Variants in SYNJ2 observed in about 807,000 individuals in gnomAD.
The protein encoded by SYNJ2 is polyphosphatidylinositol phosphatase SYNJ2.
In SYNJ2, 116 loss-of-function variants were observed where a neutral mutation model predicts 141.3. The observed-to-expected ratio is 0.82, with a 90% CI of 0.71 to 0.96. The LOEUF is 0.96. Among genes scored for constraint, SYNJ2 ranks in the 40% least tolerant of loss-of-function variants. SYNJ2 has a pLI of 0.00. For missense variants in SYNJ2, 1,873 were observed against 1,934.8 expected, an observed-to-expected ratio of 0.97 and a Z score of 0.60; for synonymous variants, 745 against 777.7, an observed-to-expected ratio of 0.96 and a Z score of 0.70.
chr6:158,008,775 C>A (rs572002081), intron 1 of SYNJ2, among the ~76,000 whole-genome samples: 1 of 152,340 alleles, frequency 6.6e-6, no homozygotes, highest in Admixed American at 6.5e-5. Context: ...TCCTCTCTTG[C>A]CCAGGTGGCG....
intron 25 of SYNJ2, among the ~76,000 whole-genome samples, chr6:158,091,457 T>C (rs1175852362): frequency 7.2e-6 from 1 of 139,372 alleles, no homozygotes; most frequent in Admixed American, 7.2e-5. Context: ...AAAAAAAGAA[T>C]GGGGCTGGGT....
At chr6:158,086,196 C>T (rs1783025024) in intron 22 of SYNJ2, among the ~76,000 whole-genome samples, 1 of 151,990 alleles carries the variant, frequency 6.6e-6, no homozygotes, top group Admixed American at 6.6e-5. Flanking sequence ...GTGGGGTGTC[C>T]GAGTCAAAGT....
chr6:158,048,047 C>G (rs1780354405), intron 5 of SYNJ2, among the ~76,000 whole-genome samples: 1 of 152,098 alleles, frequency 6.6e-6, no homozygotes, highest in Admixed American at 6.5e-5. Context: ...ATAGACTCAT[C>G]GTAAATCAGT....
Position 158,083,985 on chromosome 6 carries a change from C to A in SYNJ2, c.3035-16C>A. On this transcript the variant is annotated splice_polypyrimidine_tract_variant and intron_variant, in intron 21 of 26. Coordinates refer to ENST00000355585, the MANE Select transcript of SYNJ2 (RefSeq NM_003898.4). ...CATTGTTTTCACCCGAATTGTGATT[C>A]ATTTCCTTCTCCCAGGGGATATTCT... 1 of 1,613,740 alleles carries A rather than the reference C, an allele frequency of 6.2e-7. No individual in the cohort carries two copies. Among genetic ancestry groups the A allele is most frequent in the Non-Finnish European group, 8.5e-7 (1 of 1,179,680 alleles).
intron 26 of SYNJ2, among the ~76,000 whole-genome samples, chr6:158,093,522 G>A (rs1406674264): frequency 6.6e-6 from 1 of 151,994 alleles, no homozygotes; most frequent in East Asian, 1.9e-4. Context: ...ACGTTCATGA[G>A]TCCCAGACAC....
At chr6:158,054,316 C>G (rs575574167) in intron 5 of SYNJ2, among the ~76,000 whole-genome samples, 13 of 152,312 alleles carry the variant, frequency 8.5e-5, no homozygotes, top group African/African-American at 2.6e-4. Flanking sequence ...CATCTATTCA[C>G]CCATCTAGTT....
At chr6:158,004,167 C>A (rs1473961460) in intron 1 of SYNJ2, among the ~76,000 whole-genome samples, 1 of 152,124 alleles carries the variant, frequency 6.6e-6, no homozygotes, top group Non-Finnish European at 1.5e-5. Context: ...GCGTATGAAC[C>A]AGAGCGACTC....
At chr6:158,088,096 T>A (rs1783197686) in intron 23 of SYNJ2, among the ~76,000 whole-genome samples, 1 of 111,308 alleles carries the variant, frequency 9.0e-6, no homozygotes, top group Non-Finnish European at 1.8e-5. Flanking sequence ...GCTCATTCTG[T>A]CCCCCGGGCT....
At chr6:157,997,416 C>T (rs9356200) in intron 1 of SYNJ2, among the ~76,000 whole-genome samples, 73,888 of 151,848 alleles carry the variant, frequency 0.49, 18,209 homozygotes, top group East Asian at 0.61. Context: ...CAGACGCACG[C>T]AGAGGGGAGA....
intron 2 of SYNJ2, 88 bp from the exon 3 acceptor site, chr6:158,028,668 T>C: frequency 3.2e-6 from 5 of 1,540,618 alleles, no homozygotes; most frequent in Non-Finnish European, 4.4e-6. Context: ...CTGGCTGCGG[T>C]TGAACCTGGG....
At chr6:158,026,854 T>C (rs1779075854) in intron 2 of SYNJ2, 2 of 985,400 alleles carry the variant, frequency 2.0e-6, no homozygotes, top group Non-Finnish European at 2.4e-6. Flanking sequence ...CCGGGAGCGC[T>C]CTGTGGCCAA....
In SYNJ2 at chr6:158,064,714, G is replaced by A; in HGVS notation, c.1323G>A (p.Val441=). ...TGAATGGCCACAGCCTGAGCAAGGT[G>A]TTCACAGGCAGCAGAGCCCTGGAAG... is the stretch of plus-strand genomic sequence containing the variant. ...WSLNGHSLSK[V]FTGSRALEGK... Residue 441 remains valine, a synonymous_variant, in exon 10 of 27, where the codon GTG becomes GTA. Coordinates refer to ENST00000355585, the MANE Select transcript of SYNJ2 (RefSeq NM_003898.4). 1.9e-6 allele frequency: 3 copies of A among 1,614,036 alleles called. No individual in the cohort carries two copies. The highest frequency in any genetic ancestry group is 2.5e-6 in the Non-Finnish European group (3 of 1,180,036).
chr6:158,083,711 G>A (rs554110141), intron 21 of SYNJ2, 114 bp downstream of exon 21: 117 of 1,378,718 alleles, frequency 8.5e-5, no homozygotes, highest in Non-Finnish European at 1.1e-4. Flanking sequence ...CACCCGCAGG[G>A]CAAGCCCTCT....
chr6:158,088,554 C>A, intron 23 of SYNJ2, 106 bp from the exon 24 acceptor site: 1 of 795,584 alleles, frequency 1.3e-6, no homozygotes, highest in South Asian at 1.5e-5. Flanking sequence ...CTCACCGTGT[C>A]TGTGGTCTGC....
intron 5 of SYNJ2, among the ~76,000 whole-genome samples, chr6:158,044,759 A>T (rs1405019931): frequency 6.6e-6 from 1 of 152,098 alleles, no homozygotes. Flanking sequence ...GGTCTCTCCC[A>T]TCCCCTCCAA....
chr6:158,004,997 C>T (rs1778004723), intron 1 of SYNJ2, among the ~76,000 whole-genome samples: 1 of 152,118 alleles, frequency 6.6e-6, no homozygotes, highest in South Asian at 2.1e-4. Flanking sequence ...CCTGACCCCT[C>T]CAGCATCTGT....
chr6:158,036,290 A>C (rs976269371), intron 4 of SYNJ2, among the ~76,000 whole-genome samples: 5 of 152,270 alleles, frequency 3.3e-5, no homozygotes, highest in African/African-American at 9.6e-5. Context: ...AGTGTAAATT[A>C]GTTCCACCAT....
intron 8 of SYNJ2, 126 bp from the exon 9 acceptor site, chr6:158,063,665 A>AG (rs1781367099): frequency 5.0e-6 from 2 of 401,952 alleles, no homozygotes; most frequent in Non-Finnish European, 8.0e-6. Context: ...GTCTCAAAAA[A>AG]AAAAAAAAAA....
intron 22 of SYNJ2, among the ~76,000 whole-genome samples, chr6:158,085,888 G>A (rs928893486): frequency 3.3e-5 from 5 of 152,082 alleles, no homozygotes; most frequent in Admixed American, 2.0e-4. Flanking sequence ...GCTTCTGCCC[G>A]GGAGTTGAAG....
Sources: allele counts gnomAD v4.1 joint callset (sites outside exome capture counted in the v4.1 genomes callset), GRCh38; gene constraint gnomAD v4.1.1; transcripts MANE v1.5; gene names NCBI Gene and HGNC (gene_info 2026-07-23, HGNC 2026-07-21).